The following PTPRD variants were observed in gnomAD, a reference collection of about 807,000 sequenced individuals.
PTPRD encodes protein tyrosine phosphatase receptor type D.
In PTPRD, 34 loss-of-function variants were observed where a neutral mutation model predicts 214.5. The ratio of observed to expected loss-of-function variants is 0.16; its 90% CI spans 0.12 to 0.21. The LOEUF is 0.21. PTPRD is among the 10% of genes least tolerant of loss of function. The pLI is 1.00. For missense variants in PTPRD, 2,545 were observed against 2,398.7 expected (o/e 1.06, Z -1.27); for synonymous variants, 1,128 against 845.7 (o/e 1.33, Z -5.79).
At chr9:8,595,967 C>A (rs1354929307) in intron 14 of PTPRD, among the ~76,000 whole-genome samples, 3 of 152,128 alleles carry the variant, frequency 2.0e-5, no homozygotes, top group South Asian at 2.1e-4. Flanking sequence ...CGCTACAAAT[C>A]ATAGGTTAAG....
At chr9:8,723,672 T>A (rs942746179) in intron 12 of PTPRD, among the ~76,000 whole-genome samples, 3 of 152,228 alleles carry the variant, frequency 2.0e-5, no homozygotes, top group African/African-American at 7.2e-5. Flanking sequence ...TCACTGTAGA[T>A]TAAAGGTTTA....
intron 2 of PTPRD, among the ~76,000 whole-genome samples, chr9:10,549,326 T>C (rs771139072): frequency 9.2e-5 from 14 of 152,110 alleles, no homozygotes; most frequent in African/African-American, 2.9e-4. Context: ...AGTGAGAATC[T>C]AGAGTTTCAG....
intron 10 of PTPRD, among the ~76,000 whole-genome samples, chr9:9,061,761 C>A (rs1042698629): frequency 2.0e-5 from 3 of 152,102 alleles, no homozygotes; most frequent in Admixed American, 2.0e-4. Flanking sequence ...GCCTTGGGAC[C>A]CAGTGGCACT....
At chr9:10,395,029 G>C (rs2098141139) in intron 2 of PTPRD, among the ~76,000 whole-genome samples, 2 of 145,420 alleles carry the variant, frequency 1.4e-5, no homozygotes, top group East Asian at 2.1e-4. Flanking sequence ...CAATAAACGT[G>C]TGCTCTCCTA....
At chr9:8,474,427 C>T (rs2096722506) in intron 30 of PTPRD, among the ~76,000 whole-genome samples, 1 of 152,146 alleles carries the variant, frequency 6.6e-6, no homozygotes, top group Non-Finnish European at 1.5e-5. Context: ...TTCTCCCTTT[C>T]CAAAGCCCGT....
At chr9:9,789,695 G>A (rs1375263646) in intron 5 of PTPRD, among the ~76,000 whole-genome samples, 4 of 144,676 alleles carry the variant, frequency 2.8e-5, no homozygotes, top group Non-Finnish European at 6.0e-5. Context: ...TACACAGGAG[G>A]CTGAGGAAGG....
chr9:8,323,847 A>T (rs985184804), intron 44 of PTPRD, among the ~76,000 whole-genome samples: 1 of 152,206 alleles, frequency 6.6e-6, no homozygotes, highest in African/African-American at 2.4e-5. Context: ...GAATGACTCC[A>T]ATTTTGAAAG....
In PTPRD at chr9:8,660,963, G is replaced by GAC. The variant is rs199622866; in HGVS notation, c.65-24121_65-24120dup. Among the ~76,000 whole-genome samples, 199 of 151,756 alleles carry GAC rather than the reference G, an allele frequency of 1.3e-3. 1 individual carries two copies. Among genetic ancestry groups the GAC allele is most frequent in the African/African-American group, 4.6e-3 (190 of 41,340 alleles). On this transcript the variant is annotated intron_variant, in intron 12 of 45. Coordinates refer to ENST00000381196, the MANE Select transcript of PTPRD (RefSeq NM_002839.4). ...CACATGAGATTTATCATTTAACTGAGACACACACACACACAAACACTTGCA... is the reference window on the plus strand; with the variant it reads ...CACATGAGATTTATCATTTAACTGAGACACACACACACACACAAACACTTGCA...
chr9:9,467,823 A>G (rs1410148367), intron 8 of PTPRD, among the ~76,000 whole-genome samples: 1 of 152,034 alleles, frequency 6.6e-6, no homozygotes, highest in Non-Finnish European at 1.5e-5. Context: ...TAATTACACA[A>G]ATATCAAACC....
chr9:8,554,111 C>T (rs974432696), intron 14 of PTPRD, among the ~76,000 whole-genome samples: 2 of 152,106 alleles, frequency 1.3e-5, no homozygotes, highest in Non-Finnish European at 2.9e-5. Flanking sequence ...TCACTTGAAC[C>T]CAGGAGGCGA....
At chr9:9,972,846 A>T (rs1056131308) in intron 4 of PTPRD, among the ~76,000 whole-genome samples, 1 of 152,034 alleles carries the variant, frequency 6.6e-6, no homozygotes, top group Non-Finnish European at 1.5e-5. Context: ...CCTCTTTCTT[A>T]TAAGGAGCCT....
intron 2 of PTPRD, among the ~76,000 whole-genome samples, chr9:10,393,762 TATCTA>T (rs2098117180): frequency 1.4e-5 from 2 of 148,046 alleles, no homozygotes; most frequent in Admixed American, 1.4e-4. Context: ...AAATAAATCT[TATCTA>T]ATCAAGTGAT....
intron 2 of PTPRD, among the ~76,000 whole-genome samples, chr9:10,391,792 C>A (rs916544174): frequency 3.3e-5 from 5 of 151,714 alleles, no homozygotes; most frequent in Admixed American, 6.6e-5. Flanking sequence ...TTCCCATTGC[C>A]CTTAGACCAG....
chr9:10,338,678 G>C (rs989274452), intron 3 of PTPRD, among the ~76,000 whole-genome samples: 1 of 151,738 alleles, frequency 6.6e-6, no homozygotes, highest in African/African-American at 2.4e-5. Context: ...CTACGTCAAA[G>C]TGCTGCTTTC....
rs1046429467 is a variant in PTPRD, at chr9:10,464,593, A to T, written c.-599-123576T>A. Among the ~76,000 whole-genome samples, 3 of 152,264 alleles carry T rather than the reference A, an allele frequency of 2.0e-5. No homozygotes were observed. In the East Asian group the frequency reaches 5.8e-4, roughly 29 times the overall value. Reference sequence around the variant, plus strand: ...AGCATACAGAATAAGGTACACCCCTATATCACAGATTAAAAGGGAAGGAAA... The same window carrying T: ...AGCATACAGAATAAGGTACACCCCTTTATCACAGATTAAAAGGGAAGGAAA... On this transcript the variant is annotated intron_variant, in intron 2 of 45. Coordinates refer to ENST00000381196, the MANE Select transcript of PTPRD (RefSeq NM_002839.4).
chr9:9,275,291 T>C (rs1945163800), intron 9 of PTPRD, among the ~76,000 whole-genome samples: 1 of 138,350 alleles, frequency 7.2e-6, no homozygotes, highest in South Asian at 2.2e-4. Flanking sequence ...ATCATCAGTT[T>C]TGCCAATTTA....
At chr9:8,504,896 C>G (rs372497183) in intron 22 of PTPRD, among the ~76,000 whole-genome samples, 1 of 152,130 alleles carries the variant, frequency 6.6e-6, no homozygotes, top group Non-Finnish European at 1.5e-5. Context: ...CAACAGTAAC[C>G]AGTATACAAT....
intron 2 of PTPRD, among the ~76,000 whole-genome samples, chr9:10,464,388 A>G (rs10959110): frequency 6.7e-6 from 1 of 148,576 alleles, no homozygotes; most frequent in African/African-American, 2.5e-5. Context: ...GAAAGAGAGA[A>G]AGAGAGAGAG....
chr9:10,033,174 G>A (rs937502713), intron 4 of PTPRD, among the ~76,000 whole-genome samples: 2 of 151,314 alleles, frequency 1.3e-5, no homozygotes, highest in Middle Eastern at 3.2e-3. Flanking sequence ...ATATTTATGA[G>A]AGAGAGAGAG....
Sources: allele counts gnomAD v4.1 joint callset (sites outside exome capture counted in the v4.1 genomes callset), GRCh38; gene constraint gnomAD v4.1.1; transcripts MANE v1.5; gene names NCBI Gene and HGNC (gene_info 2026-07-23, HGNC 2026-07-21).